SERPINI1: variants seen among roughly 807,000 people sequenced by gnomAD.
SERPINI1 encodes neuroserpin.
In SERPINI1, 19 loss-of-function variants were observed where a neutral mutation model predicts 41.1. The observed-to-expected ratio is 0.46, with a 90% CI of 0.32 to 0.68. The LOEUF (loss-of-function observed/expected upper bound fraction) is 0.68, where lower values mean the gene tolerates loss of function less well. Among genes scored for constraint, SERPINI1 ranks in the 30% least tolerant of loss-of-function variants. SERPINI1 has a pLI of 0.03. For missense variants in SERPINI1, 460 were observed against 479.2 expected (o/e 0.96, Z 0.37); for synonymous variants, 138 against 156.6 (o/e 0.88, Z 0.89).
intron 1 of SERPINI1, among the ~76,000 whole-genome samples, chr3:167,766,213 G>T (rs889893964): frequency 2.8e-5 from 4 of 141,988 alleles, no homozygotes; most frequent in Non-Finnish European, 4.5e-5. Context: ...CCCAAGACTG[G>T]GCAATTTACC....
chr3:167,741,999 CAG>C (rs1725693410), intron 1 of SERPINI1, among the ~76,000 whole-genome samples: 1 of 151,908 alleles, frequency 6.6e-6, no homozygotes, highest in Non-Finnish European at 1.5e-5. Flanking sequence ...TTTTGTATTT[CAG>C]AGTTTCTGAT....
At chr3:167,746,386 A>G (rs1261568031) in intron 1 of SERPINI1, among the ~76,000 whole-genome samples, 1 of 152,222 alleles carries the variant, frequency 6.6e-6, no homozygotes, top group Admixed American at 6.5e-5. Flanking sequence ...ATATGACACC[A>G]AAAGTACAAG....
chr3:167,749,914 A>C lies in SERPINI1; in HGVS notation c.-19+14091A>C, dbSNP rs960965915. Among the ~76,000 whole-genome samples, 3 of 152,220 alleles carry C rather than the reference A, an allele frequency of 2.0e-5. No individual in the cohort carries two copies. The South Asian group carries it at 6.2e-4, about 31-fold the overall frequency. On this transcript the variant is annotated intron_variant, in intron 1 of 8. Transcript: ENST00000446050. ...CTTGACCTCAGAGAAGTGCAGAGAC[A>C]TAAGCTGTGGGGCAGTATGTAGTGC...
chr3:167,773,111 T>G (rs1726845965), intron 1 of SERPINI1, among the ~76,000 whole-genome samples: 1 of 151,542 alleles, frequency 6.6e-6, no homozygotes, highest in Non-Finnish European at 1.5e-5. Context: ...TCATCATGAC[T>G]ATTCTGAGAA....
chr3:167,790,839 T>C (rs375217540), intron 3 of SERPINI1, among the ~76,000 whole-genome samples: 5 of 152,208 alleles, frequency 3.3e-5, no homozygotes, highest in African/African-American at 1.2e-4. Context: ...TAATCTGAAA[T>C]CTTTACTCTC....
intron 5 of SERPINI1, among the ~76,000 whole-genome samples, chr3:167,799,289 G>GA (rs1727822681): frequency 6.6e-6 from 1 of 152,106 alleles, no homozygotes; most frequent in African/African-American, 2.4e-5. Context: ...GACAACATGC[G>GA]GTGTTTGGTT....
At chr3:167,796,608 T>C (rs1727720214) in intron 5 of SERPINI1, among the ~76,000 whole-genome samples, 1 of 152,140 alleles carries the variant, frequency 6.6e-6, no homozygotes, top group African/African-American at 2.4e-5. Context: ...ACATGCACTG[T>C]TTGGTTTTCT....
rs769089864 is a variant in SERPINI1 at position 167,789,261 on chromosome 3, A to G, written c.133A>G (p.Asn45Asp). Residue 45 changes from asparagine to aspartate, a missense_variant, in exon 2 of 9, where the codon AAT becomes GAT. Coordinates refer to ENST00000446050, the MANE Select transcript of SERPINI1 (RefSeq NM_001122752.2). Reference sequence around the variant, plus strand: ...TCTTAGAGCCACTGGTGAAGATGAAAATATTCTCTTCTCTCCATTGAGTAT... The same window carrying G: ...TCTTAGAGCCACTGGTGAAGATGAAGATATTCTCTTCTCTCCATTGAGTAT... The part of the protein sequence containing the change: ...NRLRATGEDE[N>D]ILFSPLSIAL... 6.2e-6 allele frequency: 10 copies of G among 1,614,174 alleles called. No homozygotes were observed. Among genetic ancestry groups the G allele is most frequent in the Non-Finnish European group, 7.6e-6 (9 of 1,180,010 alleles).
At chr3:167,824,053 G>A (rs1055491473) in intron 7 of SERPINI1, among the ~76,000 whole-genome samples, 1 of 152,094 alleles carries the variant, frequency 6.6e-6, no homozygotes, top group African/African-American at 2.4e-5. Context: ...AAGAAATAAT[G>A]ATTTGAAAAT....
intron 5 of SERPINI1, among the ~76,000 whole-genome samples, chr3:167,803,125 T>G (rs1453864916): frequency 4.0e-5 from 6 of 149,736 alleles, no homozygotes; most frequent in Admixed American, 6.7e-5. Flanking sequence ...TGGGGACTGT[T>G]GTGGGGTTGG....
At position 167,789,330 on chromosome 3, in the gene SERPINI1, A is replaced by T. The variant is rs1577418545; in HGVS notation, c.202A>T (p.Thr68Ser). 1 of 1,614,188 alleles carries T rather than the reference A, an allele frequency of 6.2e-7. No individual in the cohort carries two copies. Among genetic ancestry groups the T allele is most frequent in the Non-Finnish European group, 8.5e-7 (1 of 1,180,018 alleles). The stretch of plus-strand genomic sequence containing the variant: ...GATGGAACTTGGGGCCCAAGGATCT[A>T]CCCAGAAAGAAATCCGCCACTCAAT... ...GMMELGAQGSTQKEIRHSMGY... is the reference protein window; with the variant it reads ...GMMELGAQGSSQKEIRHSMGY... Residue 68 changes from threonine (T) to serine (S), a missense_variant, in exon 2 of 9, where the codon ACC becomes TCC. Transcript: ENST00000446050.
chr3:167,767,820 T>A (rs1329193658), intron 1 of SERPINI1, among the ~76,000 whole-genome samples: 1 of 152,146 alleles, frequency 6.6e-6, no homozygotes, highest in Non-Finnish European at 1.5e-5. Flanking sequence ...AATTGGAGCC[T>A]GAAGATAATA....
Position 167,822,986 on chromosome 3 carries a change from A to T in SERPINI1, c.980A>T (p.Asp327Val), listed in dbSNP as rs748148345. The change falls in exon 7 of 9, where the codon GAT becomes GTT. Residue 327 changes from aspartate to valine, a missense_variant and splice_region_variant. Transcript: ENST00000446050. ...IKDANLTGLSDNKEIFLSKAI... is the reference protein window; with the variant it reads ...IKDANLTGLSVNKEIFLSKAI... Reference sequence around the variant, plus strand: ...AAAATTTCTGATTCTCTTTTTGCAGATAATAAGGAGATTTTTCTTTCCAAA... The same window carrying T: ...AAAATTTCTGATTCTCTTTTTGCAGTTAATAAGGAGATTTTTCTTTCCAAA... 1.3e-6 allele frequency: 2 copies of T among 1,582,808 alleles called. No homozygotes were observed. The highest frequency in any genetic ancestry group is 4.5e-5 in the East Asian group (2 of 44,690).
intron 1 of SERPINI1, among the ~76,000 whole-genome samples, chr3:167,758,661 G>T (rs1312196759): frequency 1.3e-5 from 2 of 152,144 alleles, no homozygotes; most frequent in Non-Finnish European, 2.9e-5. Flanking sequence ...CTAAGGACAT[G>T]TGGCAACTCA....
In SERPINI1 at chr3:167,744,838, T is replaced by A. The variant is rs1263087875; in HGVS notation, c.-19+9015T>A. Among the ~76,000 whole-genome samples the A allele has an allele frequency of 3.4e-5, 4 of 117,898 alleles. No individual in the cohort carries two copies. In the East Asian group the frequency reaches 6.7e-4, roughly 20 times the overall value. 77.3% of individuals were successfully genotyped at this position (117,898 alleles called of 152,430 possible). On this transcript the variant is annotated intron_variant, in intron 1 of 8. Transcript: ENST00000446050. The stretch of plus-strand genomic sequence containing the variant: ...ATAGTTATATATATAATATATATAT[T>A]ATATATAACTATAGTTATATATATA...
intron 5 of SERPINI1, among the ~76,000 whole-genome samples, chr3:167,801,481 G>C (rs911650109): frequency 1.3e-5 from 2 of 151,886 alleles, no homozygotes; most frequent in Non-Finnish European, 2.9e-5. Flanking sequence ...TGATGCGGGG[G>C]CTTTACTGTC....
At chr3:167,811,294 C>T (rs1711867830) in intron 6 of SERPINI1, among the ~76,000 whole-genome samples, 2 of 151,212 alleles carry the variant, frequency 1.3e-5, no homozygotes, top group Non-Finnish European at 2.9e-5. Flanking sequence ...CCCAGGAGAG[C>T]TCCTCCACAA....
intron 1 of SERPINI1, among the ~76,000 whole-genome samples, chr3:167,744,081 TA>T (rs1725765086): frequency 6.6e-6 from 1 of 152,124 alleles, no homozygotes; most frequent in South Asian, 2.1e-4. Context: ...CTGGCCCTTT[TA>T]AAAAAATTTG....
At chr3:167,811,795 T>C (rs1010514039) in intron 6 of SERPINI1, among the ~76,000 whole-genome samples, 1 of 152,292 alleles carries the variant, frequency 6.6e-6, no homozygotes, top group South Asian at 2.1e-4. Context: ...CACAGGACAG[T>C]CCAGGAGTTC....
Sources: allele counts gnomAD v4.1 joint callset (sites outside exome capture counted in the v4.1 genomes callset), GRCh38; gene constraint gnomAD v4.1.1; transcripts MANE v1.5; gene names NCBI Gene and HGNC (gene_info 2026-07-23, HGNC 2026-07-21).